The following DCLK1 variants were observed in gnomAD, a reference collection of about 807,000 sequenced individuals.
DCLK1 encodes serine/threonine-protein kinase DCLK1.
Under a neutral mutation model 86.2 loss-of-function variants are expected in DCLK1, and 16 were observed. That is an observed-to-expected ratio of 0.19 (90% CI 0.13 to 0.28). DCLK1 has a LOEUF of 0.28. DCLK1 is among the 10% of genes least tolerant of loss of function. The pLI is 1.00. For missense variants in DCLK1, 590 were observed against 940.2 expected (o/e 0.63, Z 4.87); for synonymous variants, 369 against 370.5 (o/e 1.00, Z 0.05).
intron 4 of DCLK1, among the ~76,000 whole-genome samples, chr13:35,881,482 C>A (rs906414000): frequency 2.0e-5 from 3 of 152,180 alleles, no homozygotes; most frequent in South Asian, 2.1e-4. Context: ...TGAGTCCCTG[C>A]CAAAATGCAG....
At position 36,120,303 on chromosome 13, in the gene DCLK1, TAG is replaced by T. The variant is rs747923004; in HGVS notation, c.376+5457_376+5458del. On this transcript the variant is annotated intron_variant, in intron 2 of 16. Coordinates refer to ENST00000360631, the MANE Select transcript of DCLK1 (RefSeq NM_001330071.2). Reference sequence around the variant, plus strand: ...TCACTAAAGAGAAATCTGGAAAAAATAGAGTCATGTGCCACAATATTTGGTTA... The same window carrying T: ...TCACTAAAGAGAAATCTGGAAAAAATAGTCATGTGCCACAATATTTGGTTA... Among the ~76,000 whole-genome samples the T allele has an allele frequency of 5.3e-5, 8 of 152,218 alleles. No individual in the cohort carries two copies. The East Asian group carries it at 1.2e-3, about 22-fold the overall frequency.
intron 3 of DCLK1, among the ~76,000 whole-genome samples, chr13:36,022,917 G>A (rs1881845998): frequency 6.6e-6 from 1 of 152,068 alleles, no homozygotes; most frequent in South Asian, 2.1e-4. Context: ...TATTATCCTG[G>A]TACCAAAGCA....
intron 4 of DCLK1, among the ~76,000 whole-genome samples, chr13:35,908,982 T>C (rs1874840770): frequency 6.6e-6 from 1 of 152,190 alleles, no homozygotes; most frequent in Admixed American, 6.5e-5. Context: ...TCTGCAATTT[T>C]TTAAAAAGAT....
chr13:36,071,797 C>T (rs1883983627), intron 3 of DCLK1, among the ~76,000 whole-genome samples: 1 of 152,126 alleles, frequency 6.6e-6, no homozygotes, highest in Admixed American at 6.5e-5. Context: ...AGTGCATGGT[C>T]CTTACCACTA....
At chr13:35,869,098 C>A (rs1210558963) in intron 5 of DCLK1, 2 of 509,688 alleles carry the variant, frequency 3.9e-6, no homozygotes, top group Admixed American at 4.0e-5. Flanking sequence ...GGCCTATAGC[C>A]CAGATTTAAT....
chr13:36,028,349 C>T (rs1000742263), intron 3 of DCLK1, among the ~76,000 whole-genome samples: 1 of 152,162 alleles, frequency 6.6e-6, no homozygotes, highest in Non-Finnish European at 1.5e-5. Flanking sequence ...TCAGGCTGGT[C>T]TTTTGAAATG....
At chr13:35,961,808 T>C (rs1878477248) in intron 3 of DCLK1, among the ~76,000 whole-genome samples, 1 of 152,232 alleles carries the variant, frequency 6.6e-6, no homozygotes, top group Non-Finnish European at 1.5e-5. Context: ...ATTAAAGTTC[T>C]CTCCTTGTTT....
intron 5 of DCLK1, chr13:35,868,994 T>C (rs1872060424): frequency 2.4e-6 from 1 of 418,972 alleles, no homozygotes; most frequent in African/African-American, 2.0e-5. Context: ...TTTCACTACA[T>C]TGGCCAGGCT....
chr13:35,822,313 C>T (rs2087414137), intron 11 of DCLK1, among the ~76,000 whole-genome samples: 1 of 145,204 alleles, frequency 6.9e-6, no homozygotes. Flanking sequence ...ACTACGATGT[C>T]CGGCTAATTA....
Position 35,908,656 on chromosome 13 carries a change from A to G in DCLK1, c.824-37316T>C, listed in dbSNP as rs766398919. On this transcript the variant is annotated intron_variant, in intron 4 of 16. Transcript: ENST00000360631. ...TAGTTTGTCATACAACTTTGTCCCA[A>G]TGGAACTTTGCTCTTGTCGCCCAGG... Among the ~76,000 whole-genome samples the G allele has an allele frequency of 5.3e-5, 8 of 152,164 alleles. 1 individual carries two copies. The highest frequency in any genetic ancestry group is 4.1e-4 in the South Asian group (2 of 4,826).
At chr13:36,111,830 T>G (rs771896040) in intron 3 of DCLK1, 39 bp downstream of exon 3, 2 of 1,567,266 alleles carry the variant, frequency 1.3e-6, no homozygotes, top group African/African-American at 2.7e-5. Flanking sequence ...CCCTGGTTCT[T>G]GCCTTAAAGT....
intron 3 of DCLK1, among the ~76,000 whole-genome samples, chr13:36,093,631 C>T (rs1566678536): frequency 6.6e-6 from 1 of 152,196 alleles, no homozygotes; most frequent in Non-Finnish European, 1.5e-5. Context: ...ATCATTCAAT[C>T]ACCTGACTAC....
chr13:36,116,631 C>G (rs1885802017), intron 2 of DCLK1, among the ~76,000 whole-genome samples: 1 of 152,162 alleles, frequency 6.6e-6, no homozygotes, highest in Non-Finnish European at 1.5e-5. Flanking sequence ...ATTACTAGAG[C>G]TGGTTGTTAC....
chr13:36,129,386 A>G (rs1330379258), intron 1 of DCLK1, among the ~76,000 whole-genome samples: 1 of 152,244 alleles, frequency 6.6e-6, no homozygotes, highest in East Asian at 1.9e-4. Flanking sequence ...TCACAGGTTC[A>G]TCCAGGGCAG....
At chr13:35,997,464 G>T (rs564659063) in intron 3 of DCLK1, among the ~76,000 whole-genome samples, 8 of 152,264 alleles carry the variant, frequency 5.3e-5, no homozygotes, top group African/African-American at 7.2e-5. Context: ...AACACGCATG[G>T]CTCTAATTTC....
rs1400651360 is a variant in DCLK1 at position 35,770,267 on chromosome 13, G to A, written c.*4268C>T. ...TAAAGCACATTTGCAGTTATCAAATGTTTAGTGTGTCCTCAAGTTTCATTG... is the reference window on the plus strand; with the variant it reads ...TAAAGCACATTTGCAGTTATCAAATATTTAGTGTGTCCTCAAGTTTCATTG... On this transcript the variant is annotated 3_prime_UTR_variant, in exon 17 of 17. Transcript: ENST00000360631. 2 of 152,212 alleles carry A rather than the reference G, an allele frequency of 1.3e-5. No individual in the cohort carries two copies. The highest frequency in any genetic ancestry group is 4.8e-5 in the African/African-American group (2 of 41,466). 9.4% of individuals were successfully genotyped at this position (152,212 alleles called of 1,614,324 possible).
rs141754113 is a variant in DCLK1, at chr13:36,129,955, T to A, written c.-20+1159A>T. Among the ~76,000 whole-genome samples, 427 of 151,970 alleles carry A rather than the reference T, an allele frequency of 2.8e-3. 3 individuals are homozygous for A. Among genetic ancestry groups the A allele is most frequent in the African/African-American group, 9.9e-3 (412 of 41,470 alleles). On this transcript the variant is annotated intron_variant, in intron 1 of 16. Coordinates refer to ENST00000360631, the MANE Select transcript of DCLK1 (RefSeq NM_001330071.2). ...CTTGTTTCAGAAATTTACACACATA[T>A]ATACCAAGAAAAAAATGGCATAAAT...
intron 2 of DCLK1, among the ~76,000 whole-genome samples, chr13:36,120,226 G>T (rs893162162): frequency 6.6e-6 from 1 of 151,866 alleles, no homozygotes; most frequent in Non-Finnish European, 1.5e-5. Flanking sequence ...TAACACATTT[G>T]ATTATATAAT....
At chr13:36,105,438 T>C (rs974940021) in intron 3 of DCLK1, among the ~76,000 whole-genome samples, 18 of 152,186 alleles carry the variant, frequency 1.2e-4, no homozygotes, top group African/African-American at 4.3e-4. Flanking sequence ...TGACAACTTA[T>C]AGAGCAGGCA....
Sources: gnomAD v4.1 joint callset for allele counts (sites outside exome capture counted in the v4.1 genomes callset) on GRCh38, gnomAD v4.1.1 for gene constraint, MANE v1.5 for transcripts, NCBI Gene and HGNC (gene_info 2026-07-23, HGNC 2026-07-21) for gene names.